Variants in UNC13C observed in about 807,000 individuals in gnomAD.
UNC13C encodes the protein unc-13 homolog C, also known as protein unc-13 homolog C.
A neutral mutation model predicts 245.4 loss-of-function variants in UNC13C; 174 were observed. The ratio of observed to expected loss-of-function variants is 0.71; its 90% CI spans 0.63 to 0.80. The LOEUF (loss-of-function observed/expected upper bound fraction) is 0.80. Ranked by LOEUF, UNC13C falls within the 30% of genes least tolerant of loss-of-function variation. The pLI is 0.00. For synonymous variants in UNC13C, 992 were observed against 895.1 expected, an observed-to-expected ratio of 1.11 and a Z score of -1.93; for missense variants, 2,829 against 2,602.9, an observed-to-expected ratio of 1.09 and a Z score of -1.89.
intron 2 of UNC13C, among the ~76,000 whole-genome samples, chr15:54,045,833 T>C (rs1413816148): frequency 6.6e-6 from 1 of 152,236 alleles, no homozygotes; most frequent in Non-Finnish European, 1.5e-5. Flanking sequence ...GAATTGATAA[T>C]TACCATCAAG....
intron 2 of UNC13C, among the ~76,000 whole-genome samples, chr15:54,104,479 A>G (rs1273751077): frequency 6.6e-6 from 1 of 151,792 alleles, no homozygotes; most frequent in Non-Finnish European, 1.5e-5. Flanking sequence ...CTGACCTCTA[A>G]TATTCTTATC....
intron 19 of UNC13C, among the ~76,000 whole-genome samples, chr15:54,430,944 G>A (rs993552092): frequency 1.3e-5 from 2 of 151,712 alleles, no homozygotes; most frequent in African/African-American, 4.8e-5. Context: ...AATTTCAGAT[G>A]TCATGAACCA....
chr15:54,191,417 A>G (rs1269182252), intron 4 of UNC13C, among the ~76,000 whole-genome samples: 1 of 152,128 alleles, frequency 6.6e-6, no homozygotes, highest in Admixed American at 6.5e-5. Context: ...TCCAGGGTGT[A>G]TATGTGCCAC....
At chr15:54,581,539 T>A (rs963603772) in intron 30 of UNC13C, among the ~76,000 whole-genome samples, 2 of 152,192 alleles carry the variant, frequency 1.3e-5, no homozygotes, top group Non-Finnish European at 2.9e-5. Flanking sequence ...GATCCTAAGT[T>A]CTCTGGTGTC....
chr15:54,227,495 C>T (rs990754659), intron 4 of UNC13C, among the ~76,000 whole-genome samples: 4 of 151,632 alleles, frequency 2.6e-5, no homozygotes, highest in African/African-American at 7.3e-5. Flanking sequence ...ACCTGCAGCA[C>T]CCCCTCCCTC....
intron 4 of UNC13C, among the ~76,000 whole-genome samples, chr15:54,230,127 A>G (rs560968692): frequency 1.7e-4 from 26 of 152,294 alleles, no homozygotes; most frequent in Admixed American, 6.5e-4. Context: ...AATGAATTAT[A>G]TGGTAGTTCT....
At chr15:53,980,692 C>G (rs1893891909) in intron 1 of UNC13C, among the ~76,000 whole-genome samples, 1 of 152,050 alleles carries the variant, frequency 6.6e-6, no homozygotes, top group Admixed American at 6.6e-5. Context: ...TGTTAGACCT[C>G]CATTAAAGAA....
chr15:54,357,434 T>C (rs910956443), intron 17 of UNC13C, among the ~76,000 whole-genome samples: 2 of 152,046 alleles, frequency 1.3e-5, no homozygotes, highest in Non-Finnish European at 2.9e-5. Flanking sequence ...TTTCATGAAA[T>C]ATTAAATTTG....
the UNC13C span, among the ~76,000 whole-genome samples, chr15:53,966,970 G>GTAA: frequency 6.6e-6 from 1 of 151,944 alleles, no homozygotes; most frequent in Non-Finnish European, 1.5e-5. Context: ...TCCCAAGGTA[G>GTAA]TAATACCAGT....
In UNC13C at chr15:54,455,164, C is replaced by CCTCTCTCTCTCTCTCTCTGTCTCTCTCT. The variant is rs1567288652; in HGVS notation, c.4934-39426_4934-39425insGTCTCTCTCTCTCTCTCTCTCTCTCTCT. Among the ~76,000 whole-genome samples the CCTCTCTCTCTCTCTCTCTGTCTCTCTCT allele has an allele frequency of 7.4e-4, 13 of 17,520 alleles. 2 individuals carry two copies. Among genetic ancestry groups the CCTCTCTCTCTCTCTCTCTGTCTCTCTCT allele is most frequent in the East Asian group, 6.4e-3 (3 of 470 alleles). 11.5% of individuals were successfully genotyped at this position (17,520 alleles called of 152,430 possible). ...TTCCTTTCTATGGCTGAGTCATATT[C>CCTCTCTCTCTCTCTCTCTGTCTCTCTCT]CTCTCTCTCTCTCTCTCTCTCTCTC... On this transcript the variant is annotated intron_variant, in intron 19 of 32. Transcript: ENST00000260323.
At chr15:54,089,729 G>T (rs1899457604) in intron 2 of UNC13C, among the ~76,000 whole-genome samples, 1 of 149,974 alleles carries the variant, frequency 6.7e-6, no homozygotes, top group South Asian at 2.1e-4. Context: ...TTCACCTTTG[G>T]ATTCAGAATG....
At chr15:54,348,068 T>C (rs548927319) in intron 17 of UNC13C, among the ~76,000 whole-genome samples, 2 of 152,306 alleles carry the variant, frequency 1.3e-5, no homozygotes, top group East Asian at 3.9e-4. Flanking sequence ...TAAAGCTCAA[T>C]ATTAATTTTT....
rs537286070 is a variant in UNC13C at position 54,610,434 on chromosome 15, C to T, written c.6107-11893C>T. On this transcript the variant is annotated intron_variant, in intron 30 of 32. Transcript: ENST00000260323. ...TATTTTTAGTAGAGGCAGGGTTTCA[C>T]GATGTTGTCCAGGCTGGTCTCAAAC... is the stretch of plus-strand genomic sequence containing the variant. Among the ~76,000 whole-genome samples the T allele has an allele frequency of 1.7e-4, 26 of 152,176 alleles. No homozygotes were observed. In the East Asian group the frequency reaches 4.5e-3, roughly 26 times the overall value.
downstream of UNC13C, chr15:54,628,775 A>ATAAC (rs1187509230): frequency 1.3e-5 from 2 of 151,984 alleles, no homozygotes; most frequent in African/African-American, 4.8e-5. Flanking sequence ...AAGTCAAAAA[A>ATAAC]TAACAGATGC....
At chr15:54,216,405 C>G (rs753613049) in intron 4 of UNC13C, among the ~76,000 whole-genome samples, 4 of 151,810 alleles carry the variant, frequency 2.6e-5, no homozygotes, top group Non-Finnish European at 4.4e-5. Context: ...GACGAGGAAA[C>G]AGCTAAAAAA....
intron 2 of UNC13C, among the ~76,000 whole-genome samples, chr15:54,101,925 G>T (rs1250247972): frequency 1.3e-5 from 2 of 151,598 alleles, no homozygotes; most frequent in African/African-American, 2.4e-5. Flanking sequence ...GAGAGCCAAA[G>T]AACAGATTTC....
chr15:54,358,694 T>G (rs1432665526), intron 17 of UNC13C, among the ~76,000 whole-genome samples: 3 of 152,134 alleles, frequency 2.0e-5, no homozygotes, highest in Non-Finnish European at 4.4e-5. Context: ...ATTTATTTAC[T>G]GGTTCCAATA....
chr15:54,487,241 G>T (rs144857929), intron 19 of UNC13C, among the ~76,000 whole-genome samples: 1 of 152,278 alleles, frequency 6.6e-6, no homozygotes, highest in African/African-American at 2.4e-5. Flanking sequence ...TTGTGACTAT[G>T]AGCAGAACTA....
chr15:54,455,164 CCTCTCTCTCT>C (rs1203605020), intron 19 of UNC13C, among the ~76,000 whole-genome samples: 29 of 17,520 alleles, frequency 1.7e-3, no homozygotes, highest in African/African-American at 5.2e-3. Context: ...GAGTCATATT[CCTCTCTCTCT>C]CTCTCTCTCT....
Sources: allele counts gnomAD v4.1 joint callset (sites outside exome capture counted in the v4.1 genomes callset), GRCh38; gene constraint gnomAD v4.1.1; transcripts MANE v1.5; gene names NCBI Gene and HGNC (gene_info 2026-07-23, HGNC 2026-07-21).